The following GPM6A variants were observed in gnomAD, a reference collection of about 807,000 sequenced individuals.
GPM6A encodes glycoprotein M6A.
A neutral mutation model predicts 32.1 loss-of-function variants in GPM6A; 7 were observed. The ratio of observed to expected loss-of-function variants is 0.22; its 90% CI spans 0.12 to 0.41. The LOEUF is 0.41. Among genes scored for constraint, GPM6A ranks in the 10% least tolerant of loss-of-function variants. The pLI is 1.00. For synonymous variants in GPM6A, 130 were observed against 123.4 expected (o/e 1.05, Z -0.35); for missense variants, 235 against 347.2 (o/e 0.68, Z 2.57).
At chr4:175,703,056 C>G (rs1256286741) in intron 1 of GPM6A, among the ~76,000 whole-genome samples, 1 of 152,190 alleles carries the variant, frequency 6.6e-6, no homozygotes, top group Admixed American at 6.5e-5. Flanking sequence ...ATAAGATAAT[C>G]TCTCATATGG....
At chr4:175,987,415 T>G (rs1162346426) in intron 1 of GPM6A, among the ~76,000 whole-genome samples, 1 of 152,180 alleles carries the variant, frequency 6.6e-6, no homozygotes, top group African/African-American at 2.4e-5. Flanking sequence ...CTCATTTGAT[T>G]GAAGTTTGTC....
At chr4:175,637,735 ATTATAT>A (rs1560843027) in intron 6 of GPM6A, among the ~76,000 whole-genome samples, 14 of 67,720 alleles carry the variant, frequency 2.1e-4, no homozygotes, top group African/African-American at 8.8e-4. Flanking sequence ...TATATTATAT[ATTATAT>A]AAAAATATAA....
chr4:175,664,887 T>C (rs1000642490), intron 3 of GPM6A, among the ~76,000 whole-genome samples: 1 of 152,214 alleles, frequency 6.6e-6, no homozygotes, highest in African/African-American at 2.4e-5. Context: ...CAAACCTAGA[T>C]GTGTAGCCTA....
At chr4:175,923,525 G>GT (rs914193686) in intron 1 of GPM6A, among the ~76,000 whole-genome samples, 16 of 150,862 alleles carry the variant, frequency 1.1e-4, no homozygotes, top group African/African-American at 3.7e-4. Context: ...CAGTTTTGGG[G>GT]TTTTTTTTGT....
chr4:175,684,242 A>G lies in GPM6A; in HGVS notation c.231-10406T>C, dbSNP rs535334242. Reference sequence around the variant, plus strand: ...TACAAATATTTTCTTCTAGTTTGCCATTTGTCTTTTGGCTTTGCTTATGGC... The same window carrying G: ...TACAAATATTTTCTTCTAGTTTGCCGTTTGTCTTTTGGCTTTGCTTATGGC... On this transcript the variant is annotated intron_variant, in intron 2 of 6. Coordinates refer to ENST00000393658, the MANE Select transcript of GPM6A (RefSeq NM_201591.3). 5.3e-5 allele frequency among the ~76,000 whole-genome samples: 8 copies of G among 152,258 alleles called. 1 individual carries two copies. In the South Asian group the frequency reaches 8.3e-4, roughly 16 times the overall value.
intron 1 of GPM6A, among the ~76,000 whole-genome samples, chr4:175,707,359 C>G (rs946780512): frequency 6.6e-6 from 1 of 152,216 alleles, no homozygotes; most frequent in Non-Finnish European, 1.5e-5. Flanking sequence ...GAAATTGCCT[C>G]AGCCAATGCA....
At chr4:175,864,902 C>A (rs1736683446) in intron 1 of GPM6A, among the ~76,000 whole-genome samples, 2 of 151,762 alleles carry the variant, frequency 1.3e-5, no homozygotes, top group Admixed American at 6.6e-5. Context: ...TGCACCTAGG[C>A]TCAAGCAATT....
intron 1 of GPM6A, among the ~76,000 whole-genome samples, chr4:175,809,896 A>C (rs1026780132): frequency 6.6e-5 from 10 of 152,232 alleles, no homozygotes; most frequent in Non-Finnish European, 1.2e-4. Flanking sequence ...ATATGAGTAA[A>C]CACTGATGTG....
At chr4:175,684,064 C>T (rs933168532) in intron 2 of GPM6A, among the ~76,000 whole-genome samples, 7 of 152,010 alleles carry the variant, frequency 4.6e-5, no homozygotes, top group Non-Finnish European at 5.9e-5. Flanking sequence ...CTCCTGACCT[C>T]GTGATCCACC....
chr4:175,877,267 CT>C (rs1415132264), intron 1 of GPM6A, among the ~76,000 whole-genome samples: 1 of 152,162 alleles, frequency 6.6e-6, no homozygotes, highest in Non-Finnish European at 1.5e-5. Context: ...GACAGCAAAT[CT>C]GAGTCATTTT....
At chr4:175,718,227 T>A (rs746025253) in intron 1 of GPM6A, among the ~76,000 whole-genome samples, 2 of 152,202 alleles carry the variant, frequency 1.3e-5, no homozygotes, top group Admixed American at 1.3e-4. Flanking sequence ...AAGAATTAAC[T>A]AATCAAAAAT....
At chr4:175,743,433 C>A (rs928438209) in intron 1 of GPM6A, among the ~76,000 whole-genome samples, 6 of 151,484 alleles carry the variant, frequency 4.0e-5, no homozygotes, top group African/African-American at 1.5e-4. Context: ...AGAGGAAATA[C>A]AAAAGATACA....
At chr4:175,991,295 C>G (rs889189535) in intron 1 of GPM6A, among the ~76,000 whole-genome samples, 1 of 149,350 alleles carries the variant, frequency 6.7e-6, no homozygotes, top group Non-Finnish European at 1.5e-5. Context: ...AGGCTGGTCT[C>G]GAACTCCTGA....
At chr4:175,949,908 C>A (rs193278144) in intron 1 of GPM6A, among the ~76,000 whole-genome samples, 93 of 152,218 alleles carry the variant, frequency 6.1e-4, no homozygotes, top group Non-Finnish European at 1.1e-3. Flanking sequence ...ACACTGTAGC[C>A]TTATGAGTTC....
At chr4:175,649,970 A>T (rs1429978100) in intron 4 of GPM6A, among the ~76,000 whole-genome samples, 2 of 152,196 alleles carry the variant, frequency 1.3e-5, no homozygotes, top group Non-Finnish European at 1.5e-5. Context: ...AAAGGAAGAC[A>T]TTTAGGACAA....
intron 4 of GPM6A, among the ~76,000 whole-genome samples, chr4:175,645,377 G>C (rs904101469): frequency 6.6e-6 from 1 of 152,066 alleles, no homozygotes; most frequent in Non-Finnish European, 1.5e-5. Flanking sequence ...AAAACCTTTG[G>C]TGCTTACTGG....
chr4:175,883,001 C>G (rs1737330636), intron 1 of GPM6A, among the ~76,000 whole-genome samples: 1 of 151,812 alleles, frequency 6.6e-6, no homozygotes, highest in Non-Finnish European at 1.5e-5. Flanking sequence ...ATGGCATCAT[C>G]AAAAATAGAA....
At chr4:175,879,086 TC>T (rs538719392) in intron 1 of GPM6A, among the ~76,000 whole-genome samples, 26 of 152,236 alleles carry the variant, frequency 1.7e-4, no homozygotes, top group African/African-American at 6.0e-4. Flanking sequence ...TTATTCCAGT[TC>T]CCAACAAATT....
At chr4:175,850,550 T>A (rs957069647) in intron 1 of GPM6A, among the ~76,000 whole-genome samples, 1 of 152,036 alleles carries the variant, frequency 6.6e-6, no homozygotes, top group African/African-American at 2.4e-5. Flanking sequence ...GGGAAGAAGA[T>A]AAAAGTAGGT....
Sources: gnomAD v4.1 joint callset for allele counts (sites outside exome capture counted in the v4.1 genomes callset) on GRCh38, gnomAD v4.1.1 for gene constraint, MANE v1.5 for transcripts, NCBI Gene and HGNC (gene_info 2026-07-23, HGNC 2026-07-21) for gene names.